The following HECTD2 variants were observed in gnomAD, a reference collection of about 807,000 sequenced individuals.
HECTD2 encodes the protein probable E3 ubiquitin-protein ligase HECTD2.
A neutral mutation model predicts 103.2 loss-of-function variants in HECTD2; 35 were observed. That is an observed-to-expected ratio of 0.34 (90% CI 0.26 to 0.45). The LOEUF (loss-of-function observed/expected upper bound fraction) is 0.45. Ranked by LOEUF, HECTD2 falls within the 20% of genes least tolerant of loss-of-function variation. The pLI is 1.00. For synonymous variants in HECTD2, 281 were observed against 329.9 expected (o/e 0.85, Z 1.61); for missense variants, 596 against 937.4 (o/e 0.64, Z 4.76).
At chr10:91,449,574 C>T (rs983511348) in intron 2 of HECTD2, among the ~76,000 whole-genome samples, 2 of 152,010 alleles carry the variant, frequency 1.3e-5, no homozygotes, top group Non-Finnish European at 2.9e-5. Context: ...AAATAAAGGA[C>T]ATTTAAATAG....
intron 13 of HECTD2, among the ~76,000 whole-genome samples, chr10:91,493,198 A>G (rs1846541594): frequency 6.6e-6 from 1 of 151,446 alleles, no homozygotes; most frequent in East Asian, 1.9e-4. Flanking sequence ...GGAAAATAAA[A>G]TGTTCTCCAT....
Position 91,512,588 on chromosome 10 carries a change from G to T in HECTD2, c.*204G>T. On this transcript the variant is annotated 3_prime_UTR_variant, in exon 21 of 21. Coordinates refer to ENST00000298068, the MANE Select transcript of HECTD2 (RefSeq NM_182765.6). ...CACACACAGAAATCGCTTGAGTGAG[G>T]AAAAGTCCACATGGCAGAGACAGGT... The T allele has an allele frequency of 2.0e-6, 1 of 512,336 alleles. No homozygotes were observed. Among genetic ancestry groups the T allele is most frequent in the Non-Finnish European group, 3.4e-6 (1 of 289,926 alleles). The allele number at this position is 512,336 out of a possible 1,614,324, so 31.7% of individuals were successfully genotyped here. A position where few individuals can be genotyped will look rare whatever the true frequency, so the allele number is the denominator to read the frequency against.
rs568343816 is a variant in HECTD2 at position 91,427,299 on chromosome 10, C to T, written c.268+1889C>T. 1.3e-3 allele frequency among the ~76,000 whole-genome samples: 198 copies of T among 151,912 alleles called. 2 individuals carry two copies. The highest frequency in any genetic ancestry group is 4.3e-3 in the African/African-American group (178 of 41,442). ...AAGTCTTTGCTATTGTGAATAGTGC[C>T]GCAGTAAACATACGTGTGCATGTGT... is the stretch of plus-strand genomic sequence containing the variant. On this transcript the variant is annotated intron_variant, in intron 2 of 20. Coordinates refer to ENST00000298068, the MANE Select transcript of HECTD2 (RefSeq NM_182765.6).
At chr10:91,503,632 A>G (rs558162454) in intron 20 of HECTD2, among the ~76,000 whole-genome samples, 1 of 152,224 alleles carries the variant, frequency 6.6e-6, no homozygotes, top group East Asian at 1.9e-4. Context: ...GTCCTACCCC[A>G]CGGAGTCTCG....
intron 1 of HECTD2, among the ~76,000 whole-genome samples, chr10:91,420,013 C>T (rs1353322065): frequency 1.3e-5 from 2 of 152,110 alleles, no homozygotes; most frequent in African/African-American, 4.8e-5. Context: ...ATTTGATTCT[C>T]TAATATTAAT....
intron 11 of HECTD2, chr10:91,489,245 A>G (rs1846376073): frequency 6.6e-6 from 1 of 152,166 alleles, no homozygotes; most frequent in Non-Finnish European, 1.5e-5. Flanking sequence ...GAATGAGTAG[A>G]CACTTGACAT....
In HECTD2 at chr10:91,456,758, GA is replaced by G. The variant is rs1018889396; in HGVS notation, c.269-3666del. 2.0e-4 allele frequency among the ~76,000 whole-genome samples: 30 copies of G among 151,802 alleles called. No individual in the cohort carries two copies. The East Asian group carries it at 2.5e-3, about 13-fold the overall frequency. On this transcript the variant is annotated intron_variant, in intron 2 of 20. Coordinates refer to ENST00000298068, the MANE Select transcript of HECTD2 (RefSeq NM_182765.6). ...TATTTTGAGATACGTCAAAAAGGGG[GA>G]AAGTTTCAAAACAAATATCTAAGCC...
At chr10:91,426,379 T>C (rs1278977451) in intron 2 of HECTD2, among the ~76,000 whole-genome samples, 1 of 152,050 alleles carries the variant, frequency 6.6e-6, no homozygotes, top group African/African-American at 2.4e-5. Context: ...TTTAAGGACA[T>C]AGTTTCTGGT....
chr10:91,425,428 A>G lies in HECTD2; in HGVS notation c.268+18A>G. On this transcript the variant is annotated intron_variant, in intron 2 of 20. Transcript: ENST00000298068. ...CAAGAATGGTAAATAATTTTTAAAT[A>G]TATTTTGGCTAAAAGTATATTTTTA... 1.4e-6 allele frequency: 2 copies of G among 1,457,632 alleles called. No individual in the cohort carries two copies. Among genetic ancestry groups the G allele is most frequent in the African/African-American group, 1.4e-5 (1 of 69,194 alleles). The allele number at this position is 1,457,632 out of a possible 1,614,324, so 90.3% of individuals were successfully genotyped here.
At chr10:91,500,658 G>A (rs750093531) in intron 19 of HECTD2, 41 bp downstream of exon 19, 1 of 931,684 alleles carries the variant, frequency 1.1e-6, no homozygotes, top group Non-Finnish European at 1.8e-6. Flanking sequence ...ATGTGGAGAG[G>A]GAACAGCAGA....
intron 1 of HECTD2, among the ~76,000 whole-genome samples, chr10:91,422,287 T>C (rs965928819): frequency 6.6e-5 from 10 of 152,172 alleles, no homozygotes; most frequent in African/African-American, 2.4e-4. Context: ...ATACTACTGT[T>C]GCTTAGTCTT....
chr10:91,485,141 T>C, intron 9 of HECTD2, 39 bp from the exon 10 acceptor site: 1 of 1,405,786 alleles, frequency 7.1e-7, no homozygotes, highest in Non-Finnish European at 9.7e-7. Context: ...ATCTTGTACA[T>C]GTTGGAAAAA....
At chr10:91,466,363 T>C (rs1845532959) in intron 5 of HECTD2, among the ~76,000 whole-genome samples, 2 of 152,152 alleles carry the variant, frequency 1.3e-5, no homozygotes, top group Admixed American at 1.3e-4. Flanking sequence ...CAAAAAAAAA[T>C]CAGCATTTTG....
intron 5 of HECTD2, chr10:91,462,527 C>G: frequency 9.4e-7 from 1 of 1,063,958 alleles, no homozygotes; most frequent in Non-Finnish European, 1.2e-6. Flanking sequence ...ATCAGAATCA[C>G]AAGAAGGGCT....
chr10:91,472,393 C>G (rs1845759480), intron 5 of HECTD2, among the ~76,000 whole-genome samples: 1 of 152,014 alleles, frequency 6.6e-6, no homozygotes, highest in Non-Finnish European at 1.5e-5. Flanking sequence ...GACATAGGCC[C>G]TAGCAAAGAT....
At chr10:91,410,680 C>T in intron 1 of HECTD2, 104 bp downstream of exon 1, 2 of 1,087,230 alleles carry the variant, frequency 1.8e-6, no homozygotes, top group Non-Finnish European at 2.4e-6. Context: ...CCTGGGCACG[C>T]CCTGGCACTC....
At chr10:91,422,734 G>A (rs1012181187) in intron 1 of HECTD2, among the ~76,000 whole-genome samples, 1 of 152,008 alleles carries the variant, frequency 6.6e-6, no homozygotes, top group African/African-American at 2.4e-5. Context: ...TTATGGAAAG[G>A]TATTGTGTAT....
rs937986177 is a variant in HECTD2 at position 91,513,698 on chromosome 10, A to G, written c.*1314A>G. On this transcript the variant is annotated 3_prime_UTR_variant, in exon 21 of 21. Coordinates refer to ENST00000298068, the MANE Select transcript of HECTD2 (RefSeq NM_182765.6). ...AAACTCTGAAGTTATATTTGCAATA[A>G]TAATGAAACCAGCATTTAGTACCAG... 35 of 152,748 alleles carry G rather than the reference A, an allele frequency of 2.3e-4. No homozygotes were observed. The highest frequency in any genetic ancestry group is 6.3e-4 in the African/African-American group (26 of 41,576). 9.5% of individuals were successfully genotyped at this position (152,748 alleles called of 1,614,324 possible).
intron 1 of HECTD2, among the ~76,000 whole-genome samples, chr10:91,419,689 A>G (rs1843272812): frequency 6.6e-6 from 1 of 152,088 alleles, no homozygotes; most frequent in Non-Finnish European, 1.5e-5. Context: ...TAAAGGTTGA[A>G]ATATTTTGAG....
Sources: gnomAD v4.1 joint callset for allele counts (sites outside exome capture counted in the v4.1 genomes callset) on GRCh38, gnomAD v4.1.1 for gene constraint, MANE v1.5 for transcripts, NCBI Gene and HGNC (gene_info 2026-07-23, HGNC 2026-07-21) for gene names.